EFR3A: variants seen among roughly 807,000 people sequenced by gnomAD.
EFR3A encodes EFR3 homolog A, also known as protein EFR3 homolog A.
A neutral mutation model predicts 104.4 loss-of-function variants in EFR3A; 76 were observed. The observed-to-expected ratio is 0.73, with a 90% CI of 0.60 to 0.88. The LOEUF (loss-of-function observed/expected upper bound fraction) is 0.88. EFR3A is among the 40% of genes least tolerant of loss of function. The pLI, the probability that EFR3A is intolerant of heterozygous loss-of-function variation, is 0.00. For synonymous variants in EFR3A, 330 were observed against 330.0 expected, an observed-to-expected ratio of 1.00 and a Z score of 0.00; for missense variants, 985 against 1,012.5, an observed-to-expected ratio of 0.97 and a Z score of 0.37.
intron 1 of EFR3A, among the ~76,000 whole-genome samples, chr8:131,927,574 G>A (rs772292458): frequency 1.1e-4 from 16 of 152,112 alleles, no homozygotes; most frequent in African/African-American, 3.9e-4. Context: ...GTGAACATGG[G>A]CAGCAAAGTC....
chr8:131,971,850 A>G (rs563232293), intron 10 of EFR3A, among the ~76,000 whole-genome samples: 9 of 152,180 alleles, frequency 5.9e-5, no homozygotes, highest in Admixed American at 3.9e-4. Flanking sequence ...TCCACTGTAT[A>G]GTTTTAGTTT....
At chr8:131,965,588 T>A (rs1189678188) in intron 8 of EFR3A, among the ~76,000 whole-genome samples, 1 of 152,138 alleles carries the variant, frequency 6.6e-6, no homozygotes, top group Non-Finnish European at 1.5e-5. Flanking sequence ...TGTAGAGAAA[T>A]AGGCACACTT....
intron 18 of EFR3A, among the ~76,000 whole-genome samples, chr8:131,990,904 G>T (rs1330894832): frequency 6.6e-6 from 1 of 152,018 alleles, no homozygotes; most frequent in Non-Finnish European, 1.5e-5. Context: ...AAACTGAGGG[G>T]ACGCATAGGA....
chr8:131,944,224 A>C (rs974656169), intron 2 of EFR3A, among the ~76,000 whole-genome samples: 2 of 152,072 alleles, frequency 1.3e-5, no homozygotes, highest in African/African-American at 2.4e-5. Flanking sequence ...ATCCCATATC[A>C]GGGACCTGTT....
intron 14 of EFR3A, among the ~76,000 whole-genome samples, chr8:131,983,895 G>A (rs943870799): frequency 1.3e-5 from 2 of 151,988 alleles, no homozygotes; most frequent in Non-Finnish European, 2.9e-5. Flanking sequence ...GTTAGCACAG[G>A]AACTATTTTT....
At chr8:131,988,728 C>A (rs1009088444) in intron 18 of EFR3A, among the ~76,000 whole-genome samples, 4 of 152,188 alleles carry the variant, frequency 2.6e-5, no homozygotes, top group African/African-American at 9.6e-5. Context: ...TAAACCCAGG[C>A]ACAAGCACAA....
chr8:131,934,589 G>A (rs967195825), intron 1 of EFR3A, among the ~76,000 whole-genome samples: 7 of 152,028 alleles, frequency 4.6e-5, no homozygotes, highest in African/African-American at 1.4e-4. Context: ...AGCATAGTTT[G>A]CTAAAATAAC....
intron 1 of EFR3A, among the ~76,000 whole-genome samples, chr8:131,931,261 G>C (rs1817596389): frequency 6.6e-6 from 1 of 152,110 alleles, no homozygotes; most frequent in South Asian, 2.1e-4. Flanking sequence ...CGCTTTGATT[G>C]TATTTATTCC....
intron 21 of EFR3A, among the ~76,000 whole-genome samples, chr8:132,002,945 TGTTTTGATA>T (rs1320742426): frequency 6.6e-6 from 1 of 152,198 alleles, no homozygotes; most frequent in Non-Finnish European, 1.5e-5. Flanking sequence ...TGATTGTTAT[TGTTTTGATA>T]GTTTTTTGCA....
chr8:131,965,096 T>C (rs200174779), intron 8 of EFR3A, among the ~76,000 whole-genome samples: 1 of 151,954 alleles, frequency 6.6e-6, no homozygotes, highest in South Asian at 2.1e-4. Context: ...AATGTTAGAC[T>C]TAAAACCATA....
intron 2 of EFR3A, among the ~76,000 whole-genome samples, chr8:131,943,470 T>A (rs1269926473): frequency 6.6e-6 from 1 of 151,862 alleles, no homozygotes; most frequent in Non-Finnish European, 1.5e-5. Flanking sequence ...GAAGAGAGGC[T>A]AACTAACTGA....
At position 131,957,469 on chromosome 8, in the gene EFR3A, G is replaced by A. The variant is rs553431780; in HGVS notation, c.776+1564G>A. ...GGGTTCCAGTGATTCTCCTGCCTCA[G>A]CCTCCCGAGTAGCTTGGATTATAGG... On this transcript the variant is annotated intron_variant, in intron 7 of 22. Transcript: ENST00000254624. 3.3e-5 allele frequency among the ~76,000 whole-genome samples: 5 copies of A among 151,242 alleles called. No homozygotes were observed. The East Asian group carries it at 9.8e-4, about 30-fold the overall frequency.
intron 18 of EFR3A, among the ~76,000 whole-genome samples, chr8:131,988,852 T>C (rs937759350): frequency 6.6e-6 from 1 of 152,106 alleles, no homozygotes; most frequent in African/African-American, 2.4e-5. Flanking sequence ...ATATTTTCTA[T>C]AATTAGTTTA....
chr8:131,970,411 G>C, intron 9 of EFR3A, 65 bp from the exon 10 acceptor site: 1 of 1,419,360 alleles, frequency 7.0e-7, no homozygotes, highest in Non-Finnish European at 9.7e-7. Flanking sequence ...GGAGAAATAA[G>C]GTAATTGACT....
In EFR3A at chr8:131,946,654, A is replaced by G. The variant is rs143890305; in HGVS notation, c.366+21A>G. On this transcript the variant is annotated intron_variant, in intron 4 of 22. Transcript: ENST00000254624. Reference sequence around the variant, plus strand: ...ATTCTGTGAGTAAAACTATTCTGTTACTAAATGTATGCTTAATTAGCATAT... The same window carrying G: ...ATTCTGTGAGTAAAACTATTCTGTTGCTAAATGTATGCTTAATTAGCATAT... The G allele has an allele frequency of 2.7e-4, 422 of 1,535,604 alleles. No homozygotes were observed. The African/African-American group carries it at 4.2e-3, about 15-fold the overall frequency.
Position 131,984,949 on chromosome 8 carries a change from G to A in EFR3A, c.1758G>A (p.Glu586=). Residue 586 remains glutamate, a synonymous_variant, in exon 16 of 23, where the codon GAG becomes GAA. Transcript: ENST00000254624. ...IALQDSAIIN[E]DNLPMFHRCG... ...TAAAGGACAGTGCAATTATCAATGAGGATAATTTGCCAATGTTCCATCGTT... is the reference window on the plus strand; with the variant it reads ...TAAAGGACAGTGCAATTATCAATGAAGATAATTTGCCAATGTTCCATCGTT... 6.2e-7 allele frequency: 1 copy of A among 1,613,346 alleles called. No individual in the cohort carries two copies. The highest frequency in any genetic ancestry group is 8.5e-7 in the Non-Finnish European group (1 of 1,179,506).
At chr8:131,904,524 A>G (rs1816144759) in intron 1 of EFR3A, among the ~76,000 whole-genome samples, 1 of 152,254 alleles carries the variant, frequency 6.6e-6, no homozygotes, top group African/African-American at 2.4e-5. Flanking sequence ...CGGGAAACTG[A>G]GGCCCGAACG....
At chr8:131,935,046 T>A (rs1034675644) in intron 1 of EFR3A, among the ~76,000 whole-genome samples, 1 of 152,156 alleles carries the variant, frequency 6.6e-6, no homozygotes, top group African/African-American at 2.4e-5. Flanking sequence ...TGGTTAATTT[T>A]AAAAATCTTC....
At chr8:131,947,243 G>C (rs1352406795) in intron 4 of EFR3A, among the ~76,000 whole-genome samples, 1 of 151,806 alleles carries the variant, frequency 6.6e-6, no homozygotes. Flanking sequence ...TCTCATTGTG[G>C]TTTTGATTTT....
Sources: gnomAD v4.1 joint callset for allele counts (sites outside exome capture counted in the v4.1 genomes callset) on GRCh38, gnomAD v4.1.1 for gene constraint, MANE v1.5 for transcripts, NCBI Gene and HGNC (gene_info 2026-07-23, HGNC 2026-07-21) for gene names.